Variants in SLCO2B1 observed in about 807,000 individuals in gnomAD.
SLCO2B1 encodes the protein OATP-RP2.
Under a neutral mutation model 67.3 loss-of-function variants are expected in SLCO2B1, and 41 were observed. The ratio of observed to expected loss-of-function variants is 0.61; its 90% CI spans 0.47 to 0.79. The LOEUF (loss-of-function observed/expected upper bound fraction) is 0.79, where lower values mean the gene tolerates loss of function less well. Among genes scored for constraint, SLCO2B1 ranks in the 30% least tolerant of loss-of-function variants. The pLI is 0.00. For synonymous variants in SLCO2B1, 379 were observed against 381.4 expected (o/e 0.99, Z 0.07); for missense variants, 837 against 920.1 (o/e 0.91, Z 1.17).
At position 75,193,559 on chromosome 11, in the gene SLCO2B1, A is replaced by G; in HGVS notation, c.1417A>G (p.Ile473Val). The G allele has an allele frequency of 2.6e-6, 4 of 1,559,226 alleles. No individual in the cohort carries two copies. Among genetic ancestry groups the G allele is most frequent in the Non-Finnish European group, 3.5e-6 (4 of 1,151,826 alleles). ...IGCSSHQIAG[I>V]THQTSAHPGL... ...CTGCTCCAGCCACCAGATTGCGGGCATCACACACCAGACCAGGTGAGTGTG... is the reference window on the plus strand; with the variant it reads ...CTGCTCCAGCCACCAGATTGCGGGCGTCACACACCAGACCAGGTGAGTGTG... Residue 473 changes from isoleucine to valine, a missense_variant, in exon 9 of 14, where the codon ATC (isoleucine) becomes GTC (valine). By Grantham distance (29) the Ile-to-Val change is conservative. Coordinates refer to ENST00000289575, the MANE Select transcript of SLCO2B1 (RefSeq NM_007256.5). The surrounding 1 kb of genome is among the most constrained non-coding windows in gnomAD (Gnocchi z 4.2).
Position 75,196,575 on chromosome 11 carries a change from G to A in SLCO2B1, c.1495G>A (p.Gly499Ser), listed in dbSNP as rs768509882. ...GGAGGCCTGCTCCTGCCCATTGGAC[G>A]GCTTTAACCCTGTCTGCGACCCCAG... ...CMEACSCPLDGFNPVCDPSTR... is the reference protein window; with the variant it reads ...CMEACSCPLDSFNPVCDPSTR... Residue 499 changes from glycine to serine, a missense_variant, in exon 10 of 14, where the codon GGC becomes AGC. By Grantham distance (56) the Gly-to-Ser change is moderately conservative. Transcript: ENST00000289575. The A allele has an allele frequency of 1.9e-5, 31 of 1,614,116 alleles. 1 individual carries two copies. Among genetic ancestry groups the A allele is most frequent in the South Asian group, 1.5e-4 (14 of 91,080 alleles).
Position 75,203,404 on chromosome 11 carries a change from CAAT to C in SLCO2B1, c.1930_1932del (p.Asn644del). 1 of 1,614,162 alleles carries C rather than the reference CAAT, an allele frequency of 6.2e-7. No homozygotes were observed. Among genetic ancestry groups the C allele is most frequent in the South Asian group, 1.1e-5 (1 of 91,090 alleles). On this transcript the variant is annotated inframe_deletion, in exon 13 of 14. Transcript: ENST00000289575. ...GGCGTCGAGCTGTCTGTCGCTACTA[CAAT>C]AATGACCTGCTCCGAAACCGGTGAG...
intron 1 of SLCO2B1, chr11:75,159,901 G>T: frequency 1.0e-6 from 1 of 978,524 alleles, no homozygotes; most frequent in Non-Finnish European, 1.2e-6. Context: ...ATCACCTGAG[G>T]CAGGTGAGCA....
intron 7 of SLCO2B1, among the ~76,000 whole-genome samples, chr11:75,186,088 C>T (rs1004252971): frequency 4.6e-5 from 7 of 152,164 alleles, no homozygotes; most frequent in African/African-American, 1.7e-4. Flanking sequence ...ACCCCTCAGT[C>T]AAGATGGAGT....
At chr11:75,154,331 T>C (rs1949722794) in intron 1 of SLCO2B1, among the ~76,000 whole-genome samples, 2 of 146,996 alleles carry the variant, frequency 1.4e-5, no homozygotes, top group South Asian at 4.3e-4. Context: ...CCATCTCTAC[T>C]AAAAAAAAAA....
intron 12 of SLCO2B1, 30 bp downstream of exon 12, chr11:75,202,995 T>C (rs1317242470): frequency 6.3e-7 from 1 of 1,594,498 alleles, no homozygotes. Context: ...CCATTGGTGG[T>C]GGTGATGGGG....
chr11:75,162,610 TC>T, intron 1 of SLCO2B1, 44 bp from the exon 2 acceptor site: 1 of 1,589,676 alleles, frequency 6.3e-7, no homozygotes, highest in Non-Finnish European at 8.6e-7. Flanking sequence ...AGGGCCATTC[TC>T]GGGGATTCTA....
At position 75,193,628 on chromosome 11, in the gene SLCO2B1, G is replaced by A; in HGVS notation, c.1433+53G>A. ...CAAGCCTGGGAGGACAGGACAGGGA[G>A]GACAGGGGCCCTGGGCAGAGGCCAG... On this transcript the variant is annotated intron_variant, in intron 9 of 13. Coordinates refer to ENST00000289575, the MANE Select transcript of SLCO2B1 (RefSeq NM_007256.5). The surrounding 1 kb of genome is among the most constrained non-coding windows in gnomAD (Gnocchi z 4.2). 4 of 1,464,006 alleles carry A rather than the reference G, an allele frequency of 2.7e-6. No homozygotes were observed. The highest frequency in any genetic ancestry group is 1.4e-5 in the South Asian group (1 of 73,334). The allele number at this position is 1,464,006 out of a possible 1,614,324, so 90.7% of individuals were successfully genotyped here. A position where few individuals can be genotyped will look rare whatever the true frequency, so the allele number is the denominator to read the frequency against.
chr11:75,204,646 C>A lies in SLCO2B1; in HGVS notation c.*66C>A. The A allele has an allele frequency of 7.0e-7, 1 of 1,438,754 alleles. No homozygotes were observed. The allele number at this position is 1,438,754 out of a possible 1,614,324, so 89.1% of individuals were successfully genotyped here. Reference sequence around the variant, plus strand: ...GCAGTACCTCCTCTGAGTCCTTTGCCCAAGATTGGGTGTCAAGAGCCCTGT... The same window carrying A: ...GCAGTACCTCCTCTGAGTCCTTTGCACAAGATTGGGTGTCAAGAGCCCTGT... On this transcript the variant is annotated 3_prime_UTR_variant, in exon 14 of 14. Transcript: ENST00000289575.
intron 7 of SLCO2B1, among the ~76,000 whole-genome samples, chr11:75,173,648 A>G (rs138599869): frequency 6.6e-6 from 1 of 152,204 alleles, no homozygotes; most frequent in East Asian, 1.9e-4. Context: ...GGGTCACAAA[A>G]CTGGTAGGAG....
intron 7 of SLCO2B1, among the ~76,000 whole-genome samples, chr11:75,173,528 C>T (rs1347006043): frequency 1.3e-5 from 2 of 152,180 alleles, no homozygotes; most frequent in African/African-American, 2.4e-5. Flanking sequence ...AAGTCACGAC[C>T]GGTGTGATGC....
Position 75,204,784 on chromosome 11 carries a change from G to T in SLCO2B1, c.*204G>T. 2.4e-6 allele frequency: 1 copy of T among 419,938 alleles called. No homozygotes were observed. The highest frequency in any genetic ancestry group is 4.1e-6 in the Non-Finnish European group (1 of 242,042). 26.0% of individuals were successfully genotyped at this position (419,938 alleles called of 1,614,324 possible). On this transcript the variant is annotated 3_prime_UTR_variant, in exon 14 of 14. Coordinates refer to ENST00000289575, the MANE Select transcript of SLCO2B1 (RefSeq NM_007256.5). ...AAAGAGTTGTTTGGGCATTTGCTGT[G>T]TTGGCCATTTCTGGAGCAAGAGGGT...
intron 7 of SLCO2B1, among the ~76,000 whole-genome samples, chr11:75,178,747 CCTGT>C (rs1280372375): frequency 2.0e-5 from 3 of 152,174 alleles, no homozygotes; most frequent in African/African-American, 4.8e-5. Context: ...ACTTATTTCT[CCTGT>C]CTAACTGAAA....
intron 6 of SLCO2B1, chr11:75,170,034 T>C (rs1949940320): frequency 7.2e-6 from 3 of 418,618 alleles, no homozygotes; most frequent in Admixed American, 4.0e-5. Flanking sequence ...TCACTACTAT[T>C]ACTGGGAGTC....
rs978194202 is a variant in SLCO2B1, at chr11:75,165,963, G to A, written c.448+14G>A. Reference sequence around the variant, plus strand: ...ACACCAGCCCTGGTAAGAGCAGCAGGGGCTGGGCAGGAGTGGGACGTTAGC... The same window carrying A: ...ACACCAGCCCTGGTAAGAGCAGCAGAGGCTGGGCAGGAGTGGGACGTTAGC... On this transcript the variant is annotated intron_variant, in intron 4 of 13. Transcript: ENST00000289575. The A allele has an allele frequency of 6.2e-7, 1 of 1,609,714 alleles. No individual in the cohort carries two copies. The highest frequency in any genetic ancestry group is 1.3e-5 in the African/African-American group (1 of 74,924).
intron 9 of SLCO2B1, chr11:75,196,313 G>A (rs575275116): frequency 3.5e-6 from 2 of 577,260 alleles, no homozygotes; most frequent in East Asian, 5.9e-5. Context: ...GTAGGATTGA[G>A]GGGGCCTGTC....
intron 1 of SLCO2B1, chr11:75,151,659 G>A: frequency 1.8e-6 from 1 of 546,416 alleles, no homozygotes; most frequent in Admixed American, 3.2e-5. Context: ...AGACTTAGAG[G>A]ACAACAGAAA....
At chr11:75,180,916 T>C (rs1350654298) in intron 7 of SLCO2B1, among the ~76,000 whole-genome samples, 1 of 152,080 alleles carries the variant, frequency 6.6e-6, no homozygotes, top group Non-Finnish European at 1.5e-5. Context: ...AGGAAAAATA[T>C]AAATAAGAGC....
chr11:75,188,509 T>G (rs1016858998), intron 8 of SLCO2B1, among the ~76,000 whole-genome samples: 1 of 152,180 alleles, frequency 6.6e-6, no homozygotes, highest in East Asian at 1.9e-4. Flanking sequence ...ACGGATCACT[T>G]GAGGTCAGAA....
Sources: gnomAD v4.1 joint callset for allele counts (sites outside exome capture counted in the v4.1 genomes callset) on GRCh38, gnomAD v4.1.1 for gene constraint, Gnocchi (gnomAD v3.1) non-coding constraint, MANE v1.5 for transcripts, NCBI Gene and HGNC (gene_info 2026-07-23, HGNC 2026-07-21) for gene names.